GMPS: variants seen among roughly 807,000 people sequenced by gnomAD.
GMPS encodes the protein guanosine monophosphate synthase, also known as GMP synthase [glutamine-hydrolyzing].
A neutral mutation model predicts 77.9 loss-of-function variants in GMPS; 15 were observed. The observed-to-expected ratio is 0.19, with a 90% CI of 0.13 to 0.30. GMPS has a LOEUF of 0.30. GMPS is among the 10% of genes least tolerant of loss of function. The pLI is 1.00. For missense variants in GMPS, 590 were observed against 838.8 expected, an observed-to-expected ratio of 0.70 and a Z score of 3.66; for synonymous variants, 224 against 275.9, an observed-to-expected ratio of 0.81 and a Z score of 1.86.
intron 5 of GMPS, 123 bp from the exon 6 acceptor site, chr3:155,910,569 A>AAAAG (rs1413498773): frequency 1.9e-3 from 264 of 140,676 alleles, no homozygotes; most frequent in South Asian, 0.011. Flanking sequence ...ACTCTGTCTC[A>AAAAG]AAAAAAAAAA....
At chr3:155,920,198 A>C (rs1234758519) in intron 10 of GMPS, among the ~76,000 whole-genome samples, 1 of 152,224 alleles carries the variant, frequency 6.6e-6, no homozygotes, top group African/African-American at 2.4e-5. Flanking sequence ...GTGGAGCCAG[A>C]ATGATATCCC....
chr3:155,923,782 A>C (rs186708737), intron 11 of GMPS, among the ~76,000 whole-genome samples: 199 of 152,288 alleles, frequency 1.3e-3, no homozygotes, highest in African/African-American at 4.5e-3. Context: ...GAAGTATACT[A>C]TTCTTGACAT....
intron 5 of GMPS, among the ~76,000 whole-genome samples, chr3:155,909,433 A>G (rs1018232631): frequency 6.6e-6 from 1 of 152,222 alleles, no homozygotes; most frequent in African/African-American, 2.4e-5. Flanking sequence ...TGAATTATCA[A>G]TGCACTAGAT....
At chr3:155,907,313 G>A (rs934102840) in intron 5 of GMPS, among the ~76,000 whole-genome samples, 2 of 152,082 alleles carry the variant, frequency 1.3e-5, no homozygotes, top group Non-Finnish European at 2.9e-5. Context: ...GGCCAGGTGC[G>A]GTGGCTCTCA....
chr3:155,906,259 A>G lies in GMPS; in HGVS notation c.522A>G (p.Val174=). ...TTGTGGCACGTTCTGGAAACATAGT[A>G]GCAGGTGAAAATTCTAAAAATTTTG... ...FKVVARSGNI[V]AGIANESKKL... The change falls in exon 5 of 16, where the codon GTA becomes GTG. Residue 174 remains valine (V), a synonymous_variant. Coordinates refer to ENST00000496455, the MANE Select transcript of GMPS (RefSeq NM_003875.3). The G allele has an allele frequency of 6.2e-7, 1 of 1,600,444 alleles. No homozygotes were observed. Among genetic ancestry groups the G allele is most frequent in the Non-Finnish European group, 8.5e-7 (1 of 1,170,726 alleles).
chr3:155,873,409 C>T (rs7619976), intron 1 of GMPS, among the ~76,000 whole-genome samples: 92,486 of 150,926 alleles, frequency 0.61, 28,884 homozygotes, highest in African/African-American at 0.64. Flanking sequence ...GAAGTACAGG[C>T]GTGGATCACC....
chr3:155,908,484 C>T (rs534748630), intron 5 of GMPS, among the ~76,000 whole-genome samples: 6 of 152,262 alleles, frequency 3.9e-5, no homozygotes, highest in Middle Eastern at 3.4e-3. Context: ...GAAAAGAACC[C>T]GGTTTTTTCT....
At chr3:155,870,126 G>A (rs116432795), upstream of GMPS, among the ~76,000 whole-genome samples, 978 of 152,306 alleles carry the variant, frequency 6.4e-3, 13 homozygotes, top group African/African-American at 0.023. Flanking sequence ...GTATCTAAGT[G>A]ATCAGTTCCT....
At chr3:155,926,782 T>C (rs1755466521) in intron 12 of GMPS, among the ~76,000 whole-genome samples, 1 of 152,112 alleles carries the variant, frequency 6.6e-6, no homozygotes, top group African/African-American at 2.4e-5. Flanking sequence ...CCCAGCACTT[T>C]GGGAGGCTGA....
chr3:155,899,512 A>G (rs1033033354), intron 3 of GMPS, among the ~76,000 whole-genome samples: 1 of 151,454 alleles, frequency 6.6e-6, no homozygotes, highest in Non-Finnish European at 1.5e-5. Flanking sequence ...AATATCTTAT[A>G]TACCTCCAAC....
chr3:155,871,064 T>C (rs1384681761), intron 1 of GMPS, among the ~76,000 whole-genome samples, 167 bp downstream of exon 1: 1 of 151,748 alleles, frequency 6.6e-6, no homozygotes, highest in East Asian at 2.0e-4. Context: ...GCCTGTGGCA[T>C]GTTTTATCTC....
intron 12 of GMPS, among the ~76,000 whole-genome samples, chr3:155,926,945 C>T (rs990042631): frequency 2.0e-5 from 3 of 151,204 alleles, no homozygotes; most frequent in Admixed American, 1.3e-4. Context: ...ACCCAGGAGG[C>T]GGAGGTTGCG....
chr3:155,922,779 T>C (rs899795603), intron 11 of GMPS, among the ~76,000 whole-genome samples: 14 of 152,288 alleles, frequency 9.2e-5, no homozygotes, highest in Admixed American at 7.9e-4. Context: ...TAGCTCCAAA[T>C]TGAAGATGAA....
intron 12 of GMPS, 33 bp from the exon 13 acceptor site, chr3:155,931,730 CTA>C (rs770669889): frequency 5.3e-6 from 4 of 761,404 alleles, no homozygotes; most frequent in Non-Finnish European, 9.0e-6. Flanking sequence ...TATCTTTTGA[CTA>C]TTAAAAATTA....
chr3:155,916,879 A>G (rs1198812636), intron 9 of GMPS, among the ~76,000 whole-genome samples: 2 of 152,208 alleles, frequency 1.3e-5, no homozygotes, highest in Non-Finnish European at 2.9e-5. Flanking sequence ...CTAGCAATCT[A>G]TGAGATTCAA....
intron 1 of GMPS, among the ~76,000 whole-genome samples, chr3:155,874,382 G>A (rs1313744670): frequency 1.3e-5 from 2 of 152,112 alleles, no homozygotes; most frequent in African/African-American, 2.4e-5. Flanking sequence ...ATCTTTAATG[G>A]CATTTAATAA....
intron 13 of GMPS, among the ~76,000 whole-genome samples, chr3:155,933,923 A>C (rs1755695476): frequency 6.6e-6 from 1 of 152,226 alleles, no homozygotes; most frequent in Non-Finnish European, 1.5e-5. Flanking sequence ...CATTAACTCA[A>C]GATATTTGTG....
Position 155,870,821 on chromosome 3 carries a change from C to A in GMPS, c.-50C>A. 1 of 1,293,906 alleles carries A rather than the reference C, an allele frequency of 7.7e-7. No homozygotes were observed. The highest frequency in any genetic ancestry group is 1.1e-6 in the Non-Finnish European group (1 of 940,288). The allele number at this position is 1,293,906 out of a possible 1,614,324, so 80.2% of individuals were successfully genotyped here. A position where few individuals can be genotyped will look rare whatever the true frequency, so the allele number is the denominator to read the frequency against. ...CGCCGACCCTTCCGGCACCCTCCCG[C>A]CCCGTCTCGTACTGTCGCCGTCACC... On this transcript the variant is annotated 5_prime_UTR_variant, in exon 1 of 16. Coordinates refer to ENST00000496455, the MANE Select transcript of GMPS (RefSeq NM_003875.3).
At chr3:155,900,424 C>A (rs1172389259) in intron 3 of GMPS, among the ~76,000 whole-genome samples, 1 of 145,890 alleles carries the variant, frequency 6.9e-6, no homozygotes, top group African/African-American at 2.5e-5. Context: ...TATTGATTTT[C>A]TTTGTCAGAG....
Sources: allele counts gnomAD v4.1 joint callset (sites outside exome capture counted in the v4.1 genomes callset), GRCh38; gene constraint gnomAD v4.1.1; transcripts MANE v1.5; gene names NCBI Gene and HGNC (gene_info 2026-07-23, HGNC 2026-07-21).